HNF4A: variants seen among roughly 807,000 people sequenced by gnomAD.
HNF4A encodes the protein hepatocyte nuclear factor 4 alpha, also known as hepatocyte nuclear factor 4-alpha.
HNF4A carries 15 observed loss-of-function variants against 52.4 expected under a neutral mutation model. That is an observed-to-expected ratio of 0.29 (90% CI 0.19 to 0.44). HNF4A has a LOEUF of 0.44. Ranked by LOEUF, HNF4A falls within the 20% of genes least tolerant of loss-of-function variation. The probability of loss-of-function intolerance (pLI) is 1.00; values close to 1 mark genes in which losing one functional copy is unlikely to be tolerated. For synonymous variants in HNF4A, 280 were observed against 264.4 expected, an observed-to-expected ratio of 1.06 and a Z score of -0.57; for missense variants, 479 against 647.2, an observed-to-expected ratio of 0.74 and a Z score of 2.82.
intron 1 of HNF4A, among the ~76,000 whole-genome samples, chr20:44,389,043 C>A (rs1312218846): frequency 6.6e-6 from 1 of 152,204 alleles, no homozygotes; most frequent in Non-Finnish European, 1.5e-5. Context: ...CCCTCAGGTG[C>A]GCCCCTTGCC....
In HNF4A at chr20:44,407,478, G is replaced by T; in HGVS notation, c.385+3G>T. ...CCGGGCTGGCATGAAGAAGGAAGGT[G>T]AGCCTCGGCCCTCCCCGCCCCACCA... On this transcript the variant is annotated splice_donor_region_variant and intron_variant, in intron 3 of 9. Transcript: ENST00000316099. 1 of 1,586,346 alleles carries T rather than the reference G, an allele frequency of 6.3e-7. No individual in the cohort carries two copies.
At chr20:44,416,991 A>G (rs2063674300) in intron 5 of HNF4A, among the ~76,000 whole-genome samples, 1 of 151,774 alleles carries the variant, frequency 6.6e-6, no homozygotes, top group Non-Finnish European at 1.5e-5. Context: ...GTTCTCTACT[A>G]TCTGTTCATC....
At position 44,423,998 on chromosome 20, in the gene HNF4A, C is replaced by A. The variant is rs1239917969; in HGVS notation, c.893-20C>A. ...AGCTGGACCCTGCTGCCCTCCCTTG[C>A]CCACCCTCTTCCATTGTAGATGCCA... On this transcript the variant is annotated intron_variant, in intron 7 of 9. Coordinates refer to ENST00000316099, the MANE Select transcript of HNF4A (RefSeq NM_000457.6). 6.2e-7 allele frequency: 1 copy of A among 1,611,498 alleles called. No individual in the cohort carries two copies. The highest frequency in any genetic ancestry group is 1.3e-5 in the African/African-American group (1 of 74,864).
intron 1 of HNF4A, among the ~76,000 whole-genome samples, chr20:44,370,142 T>C (rs1356530587): frequency 2.6e-5 from 4 of 152,142 alleles, no homozygotes; most frequent in African/African-American, 9.7e-5. Flanking sequence ...TTCTCCCGCC[T>C]CAGCCCCCCC....
rs1426747766 is a variant in HNF4A, at chr20:44,430,357, T to G, written c.*692T>G. The G allele has an allele frequency of 2.0e-5, 3 of 152,446 alleles. No individual in the cohort carries two copies. The highest frequency in any genetic ancestry group is 7.2e-5 in the African/African-American group (3 of 41,452). 9.4% of individuals were successfully genotyped at this position (152,446 alleles called of 1,614,324 possible). On this transcript the variant is annotated 3_prime_UTR_variant, in exon 10 of 10. Transcript: ENST00000316099. ...TCCAACCCAACCTCATCCTCCTTCT[T>G]CAGGGACTTGGGTGGGTACTTGGGT...
intron 8 of HNF4A, among the ~76,000 whole-genome samples, chr20:44,425,622 CAG>C (rs1485211808): frequency 1.3e-5 from 2 of 150,326 alleles, no homozygotes; most frequent in African/African-American, 2.4e-5. Flanking sequence ...GGGGTGACCT[CAG>C]AGATCCATTG....
upstream of HNF4A, among the ~76,000 whole-genome samples, chr20:44,399,214 G>A (rs989159028): frequency 1.3e-5 from 2 of 152,194 alleles, no homozygotes; most frequent in Non-Finnish European, 2.9e-5. Flanking sequence ...AAGTCTCATA[G>A]TGTGGGTTGC....
chr20:44,368,820 T>C (rs1713213188), intron 1 of HNF4A, among the ~76,000 whole-genome samples: 1 of 152,154 alleles, frequency 6.6e-6, no homozygotes, highest in Non-Finnish European at 1.5e-5. Flanking sequence ...CAATTTAAAA[T>C]ATTGATTTAT....
intron 3 of HNF4A, among the ~76,000 whole-genome samples, chr20:44,408,607 G>C (rs1443879430): frequency 6.6e-6 from 1 of 152,064 alleles, no homozygotes; most frequent in Admixed American, 6.5e-5. Context: ...CATGCCTGTA[G>C]TCCTAGCTAC....
chr20:44,418,485 A>T lies in HNF4A; in HGVS notation c.709A>T (p.Met237Leu). 4.3e-6 allele frequency: 7 copies of T among 1,613,418 alleles called. No individual in the cohort carries two copies. The highest frequency in any genetic ancestry group is 4.2e-6 in the Non-Finnish European group (5 of 1,179,874). Residue 237 changes from methionine (M) to leucine (L), a missense_variant, in exon 6 of 10, where the codon ATG becomes TTG. Coordinates refer to ENST00000316099, the MANE Select transcript of HNF4A (RefSeq NM_000457.6). Reference sequence around the variant, plus strand: ...GCTGCTCGGAGCCACCAAGAGATCCATGGTGTTCAAGGACGTGCTGCTCCT... The same window carrying T: ...GCTGCTCGGAGCCACCAAGAGATCCTTGGTGTTCAAGGACGTGCTGCTCCT...
At chr20:44,425,587 A>T (rs2063805575) in intron 8 of HNF4A, among the ~76,000 whole-genome samples, 1 of 151,258 alleles carries the variant, frequency 6.6e-6, no homozygotes. Context: ...AAACAACAAG[A>T]CACTGGGTCT....
At position 44,387,276 on chromosome 20, in the gene HNF4A, G is replaced by A. The variant is rs375724771; in HGVS notation, c.50-18782G>A. Among the ~76,000 whole-genome samples the A allele has an allele frequency of 4.8e-4, 58 of 121,538 alleles. No individual in the cohort carries two copies. In the Admixed American group the frequency reaches 5.2e-3, roughly 11 times the overall value. 79.7% of individuals were successfully genotyped at this position (121,538 alleles called of 152,430 possible). A position where few individuals can be genotyped will look rare whatever the true frequency, so the allele number is the denominator to read the frequency against. On this transcript the variant is annotated intron_variant, in intron 1 of 9. Transcript: ENST00000316673. The stretch of plus-strand genomic sequence containing the variant: ...GCTCTCCAGCCTGAGTGACAAGAGC[G>A]AAACTTCATCTTAAAAAAAAAAAAA...
intron 1 of HNF4A, among the ~76,000 whole-genome samples, chr20:44,377,491 G>C (rs191837797): frequency 1.3e-5 from 2 of 152,092 alleles, no homozygotes; most frequent in African/African-American, 2.4e-5. Flanking sequence ...AGCCGGGCGC[G>C]GTAGCTCATG....
intron 1 of HNF4A, chr20:44,372,999 A>T (rs1600645847): frequency 6.6e-6 from 1 of 152,238 alleles, no homozygotes; most frequent in East Asian, 1.9e-4. Flanking sequence ...TCTGATCCTC[A>T]GTCTCCTCAT....
intron 7 of HNF4A, among the ~76,000 whole-genome samples, chr20:44,423,146 G>A (rs561496878): frequency 1.4e-4 from 21 of 152,016 alleles, no homozygotes; most frequent in Admixed American, 5.9e-4. Context: ...GTGAAACCCC[G>A]TCTCTACTAA....
chr20:44,357,979 C>T (rs2062876177), intron 1 of HNF4A, among the ~76,000 whole-genome samples: 1 of 151,308 alleles, frequency 6.6e-6, no homozygotes, highest in Non-Finnish European at 1.5e-5. Flanking sequence ...GCAGTACATC[C>T]ACAAAAAATG....
chr20:44,376,634 A>G (rs1238515119), intron 1 of HNF4A, among the ~76,000 whole-genome samples: 1 of 152,056 alleles, frequency 6.6e-6, no homozygotes, highest in African/African-American at 2.4e-5. Context: ...TCCTGATCCC[A>G]TCACCCTGCC....
intron 5 of HNF4A, among the ~76,000 whole-genome samples, chr20:44,416,083 T>G (rs2063660000): frequency 1.3e-5 from 2 of 151,950 alleles, no homozygotes; most frequent in Admixed American, 6.6e-5. Flanking sequence ...CAGAGAGCAA[T>G]GATGGGTGGC....
intron 1 of HNF4A, among the ~76,000 whole-genome samples, chr20:44,385,490 A>G (rs1414797996): frequency 1.3e-5 from 2 of 152,120 alleles, no homozygotes; most frequent in Non-Finnish European, 2.9e-5. Flanking sequence ...TTATTAATTT[A>G]TGGACTCTCA....
Sources: gnomAD v4.1 joint callset for allele counts (sites outside exome capture counted in the v4.1 genomes callset) on GRCh38, gnomAD v4.1.1 for gene constraint, MANE v1.5 for transcripts, NCBI Gene and HGNC (gene_info 2026-07-23, HGNC 2026-07-21) for gene names.